The following FIG4 variants were observed in gnomAD, a reference collection of about 807,000 sequenced individuals.
FIG4 encodes the protein polyphosphoinositide phosphatase.
In FIG4, 112 loss-of-function variants were observed where a neutral mutation model predicts 118.6. The ratio of observed to expected loss-of-function variants is 0.94; its 90% CI spans 0.81 to 1.11. The LOEUF is 1.11. Ranked by LOEUF, FIG4 falls within the 50% of genes least tolerant of loss-of-function variation. FIG4 has a pLI of 0.00. For synonymous variants in FIG4, 369 were observed against 381.2 expected (o/e 0.97, Z 0.37); for missense variants, 969 against 1,111.7 (o/e 0.87, Z 1.83).
intron 21 of FIG4, 68 bp downstream of exon 21, chr6:109,792,732 A>C: frequency 1.4e-6 from 1 of 697,252 alleles, no homozygotes; most frequent in East Asian, 3.1e-5. Context: ...TCTAACTACT[A>C]TACCTTTTTT....
intron 22 of FIG4, among the ~76,000 whole-genome samples, chr6:109,815,734 T>C (rs1254899008): frequency 6.6e-6 from 1 of 151,852 alleles, no homozygotes; most frequent in African/African-American, 2.4e-5. Context: ...TAGTAGTGGG[T>C]TCCAGTTTTC....
rs139888151 is a variant in FIG4 at position 109,698,503 on chromosome 6, T to C, written c.66+7002T>C. ...CTTGATGCCATTTATTTCTTTCTCT[T>C]GACCTATGGCCCTGGCCAGGACCTC... On this transcript the variant is annotated intron_variant, in intron 1 of 22. Coordinates refer to ENST00000230124, the MANE Select transcript of FIG4 (RefSeq NM_014845.6). 5.0e-3 allele frequency among the ~76,000 whole-genome samples: 761 copies of C among 152,378 alleles called. 3 individuals are homozygous for C. Among genetic ancestry groups the C allele is most frequent in the East Asian group, 0.025 (131 of 5,188 alleles).
Position 109,720,819 on chromosome 6 carries a change from C to T in FIG4, c.289+4251C>T, listed in dbSNP as rs191858682. Among the ~76,000 whole-genome samples, 259 of 152,262 alleles carry T rather than the reference C, an allele frequency of 1.7e-3. 1 individual carries two copies. Among genetic ancestry groups the T allele is most frequent in the Admixed American group, 2.7e-3 (41 of 15,304 alleles). On this transcript the variant is annotated intron_variant, in intron 3 of 22. Coordinates refer to ENST00000230124, the MANE Select transcript of FIG4 (RefSeq NM_014845.6). ...CCTAGAGGGTTTTCCTTGCTATAAA[C>T]GGATTGATCCAGTCCTGTAGCTGCC...
At chr6:109,821,385 A>G (rs1258432748) in intron 22 of FIG4, among the ~76,000 whole-genome samples, 2 of 152,248 alleles carry the variant, frequency 1.3e-5, no homozygotes, top group Non-Finnish European at 2.9e-5. Flanking sequence ...GAAAAGTATC[A>G]AGGGCCAATC....
rs201459736 is a variant in FIG4, at chr6:109,760,205, A to T, written c.1138-45A>T. 4,256 of 1,566,030 alleles carry T rather than the reference A, an allele frequency of 2.7e-3. 152 individuals are homozygous for T. The South Asian group carries it at 0.043, about 16-fold the overall frequency. ...TAAACATGTTGAGCCTGTTCCTCTG[A>T]TTTAAGGAAATTAGAACACTGAAAA... On this transcript the variant is annotated intron_variant, in intron 10 of 22. Coordinates refer to ENST00000230124, the MANE Select transcript of FIG4 (RefSeq NM_014845.6).
In FIG4 at chr6:109,791,430, C is replaced by T. The variant is rs144830399; in HGVS notation, c.2235C>T (p.Ala745=). The T allele has an allele frequency of 2.2e-5, 36 of 1,613,572 alleles. No homozygotes were observed. The African/African-American group carries it at 4.3e-4, about 19-fold the overall frequency. The change falls in exon 20 of 23, where the codon GCC becomes GCT. Residue 745 remains alanine, a synonymous_variant. Transcript: ENST00000230124. ...AVLQRKTAAS[A]PPPPSEEAVS... is the part of the protein sequence containing the mutation. ...TACAGCGGAAAACGGCAGCCAGCGC[C>T]CCGCCGCCCCCCAGCGAGGAGGCTG... is the stretch of plus-strand genomic sequence containing the variant.
rs145711919 is a variant in FIG4, at chr6:109,715,113, G to T, written c.102G>T (p.Thr34=). 2 of 1,604,824 alleles carry T rather than the reference G, an allele frequency of 1.2e-6. No homozygotes were observed. The highest frequency in any genetic ancestry group is 1.7e-6 in the Non-Finnish European group (2 of 1,172,152). The part of the protein sequence containing the change: ...YFLVGSNNAE[T]KYRVLKIDRT... The stretch of plus-strand genomic sequence containing the variant: ...TAGTTGGGAGCAATAATGCAGAAAC[G>T]AAATATCGTGTCTTGAAGATTGATA... Residue 34 remains threonine, a synonymous_variant, in exon 2 of 23, where the codon ACG becomes ACT. Transcript: ENST00000230124.
chr6:109,737,634 T>TA (rs535673502), intron 6 of FIG4, among the ~76,000 whole-genome samples: 8 of 152,302 alleles, frequency 5.3e-5, no homozygotes, highest in Admixed American at 5.2e-4. Context: ...CTTATAAACA[T>TA]ACTTTTAATT....
intron 10 of FIG4, among the ~76,000 whole-genome samples, chr6:109,751,910 C>A (rs1362458589): frequency 1.3e-5 from 2 of 149,122 alleles, no homozygotes; most frequent in South Asian, 2.1e-4. Context: ...CATATGTATA[C>A]ATGTGCCATG....
intron 22 of FIG4, among the ~76,000 whole-genome samples, chr6:109,820,412 A>AC (rs955761068): frequency 1.3e-5 from 2 of 151,678 alleles, no homozygotes; most frequent in Admixed American, 1.3e-4. Flanking sequence ...CCTCACCCGC[A>AC]CCCCCCAAGT....
chr6:109,771,615 C>T (rs1325343912), intron 15 of FIG4, among the ~76,000 whole-genome samples: 1 of 151,842 alleles, frequency 6.6e-6, no homozygotes, highest in Non-Finnish European at 1.5e-5. Flanking sequence ...ACTACAGGTG[C>T]CTGCCACCGC....
Position 109,740,274 on chromosome 6 carries a change from A to G in FIG4, c.776-1170A>G, listed in dbSNP as rs1040451636. On this transcript the variant is annotated intron_variant, in intron 7 of 22. Coordinates refer to ENST00000230124, the MANE Select transcript of FIG4 (RefSeq NM_014845.6). ...ACATAGTAAATGTTTGTTTTTTAAA[A>G]TAGTGAGCACCATGATAGATGATCA... is the stretch of plus-strand genomic sequence containing the variant. Among the ~76,000 whole-genome samples the G allele has an allele frequency of 3.9e-5, 6 of 152,202 alleles. No individual in the cohort carries two copies. In the South Asian group the frequency reaches 1.2e-3, roughly 31 times the overall value.
At chr6:109,815,917 A>G (rs1476336732) in intron 22 of FIG4, among the ~76,000 whole-genome samples, 1 of 152,068 alleles carries the variant, frequency 6.6e-6, no homozygotes, top group Non-Finnish European at 1.5e-5. Context: ...TAAATTTTCC[A>G]CATTTATACT....
At chr6:109,792,899 C>G (rs983366600) in intron 21 of FIG4, among the ~76,000 whole-genome samples, 4 of 151,944 alleles carry the variant, frequency 2.6e-5, no homozygotes, top group African/African-American at 9.7e-5. Context: ...CTGTGTTGCC[C>G]AGGCTAGCCT....
At chr6:109,773,900 G>A (rs992426079) in intron 15 of FIG4, among the ~76,000 whole-genome samples, 1 of 152,062 alleles carries the variant, frequency 6.6e-6, no homozygotes. Flanking sequence ...CCTAACTCCT[G>A]GGCTCAAGTG....
Position 109,789,613 on chromosome 6 carries a change from G to A in FIG4, c.2116G>A (p.Val706Ile), listed in dbSNP as rs754830354. The A allele has an allele frequency of 9.9e-6, 16 of 1,612,890 alleles. No individual in the cohort carries two copies. Among genetic ancestry groups the A allele is most frequent in the Admixed American group, 3.3e-5 (2 of 59,996 alleles). The change falls in exon 19 of 23, where the codon GTT becomes ATT. Residue 706 changes from valine to isoleucine, a missense_variant. Val to Ile is a conservative substitution (Grantham distance 29). This residue lies in a region of FIG4 where 330 missense variants were observed against 348.1 expected (regional missense o/e 0.95). Transcript: ENST00000230124. ...CTTTAGTGACTTTATGCCTAAGACC[G>A]TTGGAATTGATCCAAGTCCATTTAC... ...SSARDFMPKT[V>I]GIDPSPFTVR...
intron 3 of FIG4, among the ~76,000 whole-genome samples, chr6:109,724,089 T>TTTG (rs1418149596): frequency 6.6e-6 from 1 of 152,244 alleles, no homozygotes; most frequent in African/African-American, 2.4e-5. Context: ...TCCATTGGTT[T>TTTG]TTGTTGTTGT....
intron 10 of FIG4, among the ~76,000 whole-genome samples, chr6:109,751,399 G>A (rs1776691243): frequency 2.6e-5 from 4 of 152,270 alleles, no homozygotes; most frequent in Admixed American, 2.6e-4. Flanking sequence ...TCTCTGCCAG[G>A]TTTTGGTATC....
At position 109,762,101 on chromosome 6, in the gene FIG4, A is replaced by G. The variant is rs1353928922; in HGVS notation, c.1282A>G (p.Asn428Asp). ...MAKYTKSKLCNVLDRLNVIAE... is the reference protein window; with the variant it reads ...MAKYTKSKLCDVLDRLNVIAE... ...TCCTTCTCTCCTCAGCAAGCTGTGT[A>G]ATGTTCTTGATCGACTAAATGTGAT... is the stretch of plus-strand genomic sequence containing the variant. The change falls in exon 12 of 23, where the codon AAT (asparagine) becomes GAT (aspartate). Residue 428 changes from asparagine (N) to aspartate (D), a missense_variant. Asn to Asp is a conservative substitution (Grantham distance 23). Transcript: ENST00000230124. The G allele has an allele frequency of 6.2e-7, 1 of 1,605,528 alleles. No homozygotes were observed. The highest frequency in any genetic ancestry group is 8.5e-7 in the Non-Finnish European group (1 of 1,172,298).
Sources: gnomAD v4.1 joint callset for allele counts (sites outside exome capture counted in the v4.1 genomes callset) on GRCh38, gnomAD v4.1.1 for gene constraint, gnomAD v4.1.1 regional missense constraint, MANE v1.5 for transcripts, NCBI Gene and HGNC (gene_info 2026-07-23, HGNC 2026-07-21) for gene names.